Variants in CLVS1 observed in about 807,000 individuals in gnomAD.
The protein encoded by CLVS1 is clavesin-1.
CLVS1 carries 10 observed loss-of-function variants against 33.1 expected under a neutral mutation model. That is an observed-to-expected ratio of 0.30 (90% confidence interval 0.19 to 0.51). The LOEUF is 0.51. Among genes scored for constraint, CLVS1 ranks in the 20% least tolerant of loss-of-function variants. The pLI is 0.97. For missense variants in CLVS1, 343 were observed against 433.4 expected (o/e 0.79, Z 1.85); for synonymous variants, 163 against 166.1 (o/e 0.98, Z 0.14).
At chr8:61,163,326 T>C (rs1806788033) in intron 2 of CLVS1, among the ~76,000 whole-genome samples, 1 of 152,194 alleles carries the variant, frequency 6.6e-6, no homozygotes, top group South Asian at 2.1e-4. Context: ...AAAATTTTAT[T>C]CTAAACTTAA....
chr8:61,406,543 A>G (rs1341829605), intron 3 of CLVS1, among the ~76,000 whole-genome samples: 2 of 152,182 alleles, frequency 1.3e-5, no homozygotes, highest in East Asian at 3.8e-4. Context: ...ATAGGAATGG[A>G]AGGAAGAAAA....
At chr8:61,123,531 T>G (rs1805916183) in intron 1 of CLVS1, among the ~76,000 whole-genome samples, 1 of 152,226 alleles carries the variant, frequency 6.6e-6, no homozygotes, top group East Asian at 1.9e-4. Context: ...AAGAATGTTT[T>G]GGAGAAAATT....
At chr8:61,082,106 T>C (rs1159279387) in intron 1 of CLVS1, among the ~76,000 whole-genome samples, 1 of 151,176 alleles carries the variant, frequency 6.6e-6, no homozygotes, top group African/African-American at 2.4e-5. Flanking sequence ...AGCATAGAGA[T>C]GGAAACTCTA....
intron 2 of CLVS1, among the ~76,000 whole-genome samples, chr8:61,305,344 C>T (rs1011270706): frequency 1.3e-5 from 2 of 151,988 alleles, no homozygotes; most frequent in African/African-American, 2.4e-5. Context: ...CTCCCCTTCC[C>T]CTCTCTGATT....
intron 2 of CLVS1, among the ~76,000 whole-genome samples, chr8:61,173,179 G>T (rs11782351): frequency 0.034 from 5,216 of 152,230 alleles, 102 homozygotes; most frequent in Middle Eastern, 0.041. Context: ...CACACAAGTA[G>T]ATAGGGTATT....
intron 1 of CLVS1, among the ~76,000 whole-genome samples, chr8:61,118,189 G>A (rs1406713023): frequency 6.6e-6 from 1 of 151,968 alleles, no homozygotes; most frequent in East Asian, 1.9e-4. Context: ...TCTGATGGTA[G>A]TTGGTATTTC....
chr8:61,149,781 T>C lies in CLVS1; in HGVS notation c.-152+17921T>C, dbSNP rs1032286855. Among the ~76,000 whole-genome samples, 5 of 152,074 alleles carry C rather than the reference T, an allele frequency of 3.3e-5. No individual in the cohort carries two copies. The East Asian group carries it at 7.7e-4, about 23-fold the overall frequency. On this transcript the variant is annotated intron_variant, in intron 2 of 2. Transcript: ENST00000522621. ...TAACTGGATATTTTCAAAGAGAGTATTGTAGCCCAAAACTAGAAGGTGAAA... is the reference window on the plus strand; with the variant it reads ...TAACTGGATATTTTCAAAGAGAGTACTGTAGCCCAAAACTAGAAGGTGAAA...
chr8:61,355,934 T>A (rs1439274445), intron 2 of CLVS1, among the ~76,000 whole-genome samples: 2 of 152,240 alleles, frequency 1.3e-5, no homozygotes, highest in South Asian at 2.1e-4. Flanking sequence ...TACCCAGTAA[T>A]GGGATGGCTG....
At chr8:61,049,401 G>C in the CLVS1 span, among the ~76,000 whole-genome samples, 1 of 152,074 alleles carries the variant, frequency 6.6e-6, no homozygotes. Flanking sequence ...CAGTTTTGGT[G>C]GCCAGTTCAA....
intron 2 of CLVS1, among the ~76,000 whole-genome samples, chr8:61,170,131 A>T (rs1806963793): frequency 6.6e-6 from 1 of 152,172 alleles, no homozygotes; most frequent in African/African-American, 2.4e-5. Context: ...TGAGCATACC[A>T]TTATCCCCCA....
intron 3 of CLVS1, among the ~76,000 whole-genome samples, chr8:61,381,178 T>C (rs1274433896): frequency 6.6e-6 from 1 of 152,018 alleles, no homozygotes; most frequent in African/African-American, 2.4e-5. Context: ...CTGTTAAAGA[T>C]GTTTTTTATG....
intron 2 of CLVS1, among the ~76,000 whole-genome samples, chr8:61,275,636 C>T (rs114807373): frequency 3.3e-4 from 50 of 152,308 alleles, no homozygotes; most frequent in African/African-American, 1.2e-3. Context: ...AGGGAGAAAG[C>T]TGAGTTGTGA....
At chr8:61,195,468 A>G (rs1473296557) in intron 2 of CLVS1, among the ~76,000 whole-genome samples, 6 of 152,120 alleles carry the variant, frequency 3.9e-5, no homozygotes, top group Non-Finnish European at 7.4e-5. Flanking sequence ...TAAAACAAAC[A>G]GCTGGTGCTT....
chr8:61,015,096 G>C, the CLVS1 span, among the ~76,000 whole-genome samples: 1 of 152,238 alleles, frequency 6.6e-6, no homozygotes, highest in African/African-American at 2.4e-5. Context: ...AAGCATGGAA[G>C]GTAGCAGGAA....
chr8:61,444,812 T>C (rs945416252), intron 3 of CLVS1, among the ~76,000 whole-genome samples: 1 of 152,156 alleles, frequency 6.6e-6, no homozygotes, highest in African/African-American at 2.4e-5. Context: ...TCTGAATCAT[T>C]TTGGTGGACC....
chr8:61,149,718 C>G (rs749458981), intron 2 of CLVS1, among the ~76,000 whole-genome samples: 2 of 152,086 alleles, frequency 1.3e-5, no homozygotes, highest in Admixed American at 6.5e-5. Context: ...ATAATTGCAT[C>G]TGGCATTTGA....
chr8:61,253,557 C>A (rs564346135), intron 2 of CLVS1, among the ~76,000 whole-genome samples: 105 of 152,314 alleles, frequency 6.9e-4, no homozygotes, highest in Non-Finnish European at 9.1e-4. Flanking sequence ...TTCAGGTACA[C>A]CAATCAGACG....
chr8:61,021,431 A>G, the CLVS1 span, among the ~76,000 whole-genome samples: 16 of 151,554 alleles, frequency 1.1e-4, no homozygotes, highest in African/African-American at 3.4e-4. Context: ...GTTTACTGCA[A>G]CCTCCACCTC....
the CLVS1 span, among the ~76,000 whole-genome samples, chr8:61,018,774 C>T: frequency 1.3e-5 from 2 of 152,214 alleles, no homozygotes; most frequent in Non-Finnish European, 2.9e-5. Flanking sequence ...CCTTGACTAA[C>T]TCAGTGGAAA....
Sources: allele counts gnomAD v4.1 joint callset (sites outside exome capture counted in the v4.1 genomes callset), GRCh38; gene constraint gnomAD v4.1.1; transcripts MANE v1.5; gene names NCBI Gene and HGNC (gene_info 2026-07-23, HGNC 2026-07-21).